The following OSBPL10 variants were observed in gnomAD, a reference collection of about 807,000 sequenced individuals.
The protein encoded by OSBPL10 is oxysterol binding protein like 10, also known as oxysterol-binding protein-related protein 10.
In OSBPL10, 49 loss-of-function variants were observed where a neutral mutation model predicts 81.7. That is an observed-to-expected ratio of 0.60 (90% CI 0.48 to 0.76). The LOEUF is 0.76. Ranked by LOEUF, OSBPL10 falls within the 30% of genes least tolerant of loss-of-function variation. OSBPL10 has a pLI of 0.00. For synonymous variants in OSBPL10, 419 were observed against 383.6 expected (o/e 1.09, Z -1.08); for missense variants, 923 against 987.8 (o/e 0.93, Z 0.88).
chr3:31,981,318 A>T (rs1698838382), upstream of OSBPL10: 4 of 1,248,222 alleles, frequency 3.2e-6, no homozygotes, highest in Admixed American at 1.3e-4. This position sits in a 1 kb window ranked among gnomAD's most constrained non-coding sequence, Gnocchi z 4.5. Context: ...CTCATACAGG[A>T]GGAAGAGGAG....
intron 1 of OSBPL10, among the ~76,000 whole-genome samples, chr3:31,957,807 A>T (rs1430939923): frequency 5.9e-5 from 9 of 152,052 alleles, no homozygotes; most frequent in African/African-American, 2.2e-4. Flanking sequence ...CGCCTGACTA[A>T]TTTTTGTATT....
chr3:32,073,492 T>A (rs558879129), intron 1 of OSBPL10, among the ~76,000 whole-genome samples: 11 of 152,174 alleles, frequency 7.2e-5, no homozygotes, highest in Admixed American at 7.2e-4. Flanking sequence ...CAGCCTGATA[T>A]CTTCTCTTCC....
intron 1 of OSBPL10, among the ~76,000 whole-genome samples, chr3:31,952,069 T>G (rs1266072394): frequency 6.6e-6 from 1 of 152,132 alleles, no homozygotes; most frequent in Non-Finnish European, 1.5e-5. Context: ...ACAAACTTAT[T>G]TACATGTTAA....
intron 10 of OSBPL10, 48 bp downstream of exon 10, chr3:31,668,594 G>A: frequency 4.0e-6 from 6 of 1,494,206 alleles, no homozygotes; most frequent in Non-Finnish European, 5.4e-6. Context: ...CTTGAGTCAG[G>A]TGCCCAGCAT....
At chr3:32,005,698 C>T (rs1228782293) in intron 2 of OSBPL10, among the ~76,000 whole-genome samples, 1 of 152,116 alleles carries the variant, frequency 6.6e-6, no homozygotes, top group Non-Finnish European at 1.5e-5. Flanking sequence ...AGCAATTCTC[C>T]TGCCTCAGCC....
intron 2 of OSBPL10, among the ~76,000 whole-genome samples, chr3:32,002,288 C>T (rs1357520239): frequency 6.6e-6 from 1 of 152,114 alleles, no homozygotes; most frequent in East Asian, 1.9e-4. Flanking sequence ...TCTGAAAAAG[C>T]CTACAAAGTT....
rs536244372 is a variant in OSBPL10, at chr3:32,066,272, C to T, written n.185+11124G>A. On this transcript the variant is annotated intron_variant and non_coding_transcript_variant, in intron 1 of 3. Transcript: ENST00000479173. ...CTCACTATATTATCACCCTAGCCTG[C>T]CTTCAGCAATAATCCTTTCAAGTCA... 5.6e-3 allele frequency among the ~76,000 whole-genome samples: 519 copies of T among 92,122 alleles called. 118 individuals are homozygous for T. The highest frequency in any genetic ancestry group is 0.013 in the African/African-American group (479 of 35,964). 60.4% of individuals were successfully genotyped at this position (92,122 alleles called of 152,430 possible). A position where few individuals can be genotyped will look rare whatever the true frequency, so the allele number is the denominator to read the frequency against.
chr3:31,753,519 A>G (rs1697782920), intron 4 of OSBPL10, among the ~76,000 whole-genome samples: 1 of 152,010 alleles, frequency 6.6e-6, no homozygotes. Context: ...CCACACACAC[A>G]CACAAACAGC....
rs558391622 is a variant in OSBPL10 at position 31,772,711 on chromosome 3, A to T, written c.730-24591T>A. On this transcript the variant is annotated intron_variant, in intron 4 of 11. Coordinates refer to ENST00000396556, the MANE Select transcript of OSBPL10 (RefSeq NM_017784.5). ...GTTTGCCCTCTCTGGGAACATGTGC[A>T]TCCAGAAACACAGTTTTCACCATTC... Among the ~76,000 whole-genome samples, 49 of 152,354 alleles carry T rather than the reference A, an allele frequency of 3.2e-4. 1 individual carries two copies. The highest frequency in any genetic ancestry group is 1.1e-3 in the African/African-American group (46 of 41,582).
At chr3:31,718,866 T>C (rs1696541247) in intron 6 of OSBPL10, 1 of 152,158 alleles carries the variant, frequency 6.6e-6, no homozygotes, top group African/African-American at 2.4e-5. Flanking sequence ...ATGGAATGCA[T>C]CTCTACATAT....
At chr3:31,815,912 G>A (rs9833982) in intron 4 of OSBPL10, among the ~76,000 whole-genome samples, 100,379 of 152,036 alleles carry the variant, frequency 0.66, 34,143 homozygotes, top group East Asian at 0.93. Flanking sequence ...AAATTGCCAC[G>A]TGAGATAAAA....
At chr3:31,709,533 T>G (rs933835118) in intron 6 of OSBPL10, among the ~76,000 whole-genome samples, 3 of 152,160 alleles carry the variant, frequency 2.0e-5, no homozygotes, top group African/African-American at 7.2e-5. Flanking sequence ...TTTGTCTAAT[T>G]TCTACATTTC....
At chr3:31,965,947 ATATATAT>A (rs1338028703) in intron 1 of OSBPL10, among the ~76,000 whole-genome samples, 2,761 of 109,522 alleles carry the variant, frequency 0.025, 47 homozygotes, top group Non-Finnish European at 0.037. Flanking sequence ...AAAATAGATA[ATATATAT>A]TATATATTAT....
intron 1 of OSBPL10, among the ~76,000 whole-genome samples, chr3:31,942,463 A>G (rs1697564859): frequency 7.1e-6 from 1 of 140,420 alleles, no homozygotes; most frequent in Non-Finnish European, 1.5e-5. Flanking sequence ...TGAACCCAGG[A>G]GTTGGAAGTT....
At chr3:31,874,112 C>CT (rs5847723) in intron 3 of OSBPL10, among the ~76,000 whole-genome samples, 21,038 of 144,650 alleles carry the variant, frequency 0.15, 1,521 homozygotes, top group African/African-American at 0.19. Context: ...TCTTCAAATT[C>CT]TTTTTTTTTT....
intron 1 of OSBPL10, among the ~76,000 whole-genome samples, chr3:31,914,187 C>A (rs1413484888): frequency 1.3e-5 from 2 of 152,216 alleles, no homozygotes; most frequent in Non-Finnish European, 2.9e-5. Context: ...TCCCAAAGTG[C>A]TGGGATTACA....
chr3:31,860,871 G>GT (rs71628582), intron 3 of OSBPL10, among the ~76,000 whole-genome samples: 1,713 of 136,504 alleles, frequency 0.013, 10 homozygotes, highest in Non-Finnish European at 0.015. Context: ...TTTTTTTTGG[G>GT]TTTTTTTTTT....
At chr3:31,682,549 C>T (rs1352611965) in intron 8 of OSBPL10, among the ~76,000 whole-genome samples, 1 of 152,222 alleles carries the variant, frequency 6.6e-6, no homozygotes, top group African/African-American at 2.4e-5. Context: ...CCCCTCTTTG[C>T]CCGCTTTGGG....
chr3:31,909,578 T>G (rs1696514325), intron 1 of OSBPL10, among the ~76,000 whole-genome samples: 1 of 151,998 alleles, frequency 6.6e-6, no homozygotes, highest in Non-Finnish European at 1.5e-5. Flanking sequence ...ATGATTTCAT[T>G]AGCAAAAAAG....
Sources: gnomAD v4.1 joint callset for allele counts (sites outside exome capture counted in the v4.1 genomes callset) on GRCh38, gnomAD v4.1.1 for gene constraint, Gnocchi (gnomAD v3.1) non-coding constraint, MANE v1.5 for transcripts, NCBI Gene and HGNC (gene_info 2026-07-23, HGNC 2026-07-21) for gene names.